MPDZ: variants seen among roughly 807,000 people sequenced by gnomAD.
MPDZ encodes multiple PDZ domain protein.
Under a neutral mutation model 239.1 loss-of-function variants are expected in MPDZ, and 234 were observed. The ratio of observed to expected loss-of-function variants is 0.98; its 90% CI spans 0.88 to 1.09. MPDZ has a LOEUF of 1.09. MPDZ is among the 50% of genes least tolerant of loss of function. The probability of loss-of-function intolerance (pLI) is 0.00; values close to 1 mark genes in which losing one functional copy is unlikely to be tolerated. For missense variants in MPDZ, 3,175 were observed against 2,510.0 expected (o/e 1.26, Z -5.66); for synonymous variants, 1,048 against 881.3 (o/e 1.19, Z -3.35).
At chr9:13,165,472 G>C (rs1247484810) in intron 22 of MPDZ, 5 of 1,538,198 alleles carry the variant, frequency 3.3e-6, no homozygotes, top group Non-Finnish European at 3.5e-6. Context: ...TCAATGTCTT[G>C]TGCTGAATGT....
chr9:13,209,368 T>C (rs1037572771), intron 10 of MPDZ, among the ~76,000 whole-genome samples: 1 of 152,198 alleles, frequency 6.6e-6, no homozygotes, highest in African/African-American at 2.4e-5. Context: ...TCCCCCAGTG[T>C]GATCCTCTAC....
At chr9:13,206,321 A>T (rs1019626909) in intron 10 of MPDZ, among the ~76,000 whole-genome samples, 2 of 152,098 alleles carry the variant, frequency 1.3e-5, no homozygotes, top group African/African-American at 4.8e-5. Flanking sequence ...ATTTTAATAT[A>T]GATTCTGGGG....
At chr9:13,162,431 T>C (rs1477453229) in intron 23 of MPDZ, among the ~76,000 whole-genome samples, 1 of 151,996 alleles carries the variant, frequency 6.6e-6, no homozygotes, top group African/African-American at 2.4e-5. Flanking sequence ...TTATCAAAAC[T>C]CAACATGTTA....
Position 13,121,976 on chromosome 9 carries a change from A to T in MPDZ, c.5038-44T>A, listed in dbSNP as rs762857824. 48 of 1,601,634 alleles carry T rather than the reference A, an allele frequency of 3.0e-5. No homozygotes were observed. In the East Asian group the frequency reaches 1.1e-3, roughly 35 times the overall value. ...CTGACTGTAAGGAACATGAGAAGTA[A>T]AGGAGAGTTAGGTGGGGAAGGGAAG... On this transcript the variant is annotated intron_variant, in intron 37 of 46. Coordinates refer to ENST00000319217, the MANE Select transcript of MPDZ (RefSeq NM_001378778.1).
rs745519525 is a variant in MPDZ at position 13,136,136 on chromosome 9, C to T, written c.4339G>A (p.Val1447Ile). The change falls in exon 31 of 47, where the codon GTA becomes ATA. Residue 1447 changes from valine to isoleucine, a missense_variant. By Grantham distance (29) the Val-to-Ile change is conservative. Coordinates refer to ENST00000319217, the MANE Select transcript of MPDZ (RefSeq NM_001378778.1). ...TCTGAGTTAGAAGGCAAAGGTTCTA[C>T]TGCATTTCCAGGACATACGGCCATC... ...NQMAVCPGNA[V>I]EPLPSNSENL... The T allele has an allele frequency of 1.9e-6, 3 of 1,612,916 alleles. No individual in the cohort carries two copies. The highest frequency in any genetic ancestry group is 4.5e-5 in the East Asian group (2 of 44,788).
chr9:13,125,500 G>A (rs1944979923), intron 34 of MPDZ, 110 bp from the exon 35 acceptor site: 1 of 936,012 alleles, frequency 1.1e-6, no homozygotes, highest in Non-Finnish European at 1.5e-6. Context: ...GTTAAGGGGA[G>A]GGACAGATGC....
intron 8 of MPDZ, among the ~76,000 whole-genome samples, chr9:13,218,393 A>G (rs1958638492): frequency 6.6e-6 from 1 of 151,876 alleles, no homozygotes; most frequent in South Asian, 2.1e-4. Context: ...AGAAATGATG[A>G]TATGCACAGA....
chr9:13,166,917 C>A (rs556845593), intron 22 of MPDZ, among the ~76,000 whole-genome samples: 43 of 152,144 alleles, frequency 2.8e-4, no homozygotes, highest in Admixed American at 2.5e-3. Context: ...TATTTTTTAA[C>A]GACTTTTAAA....
intron 3 of MPDZ, among the ~76,000 whole-genome samples, chr9:13,242,028 T>G (rs1965528739): frequency 6.6e-6 from 1 of 152,068 alleles, no homozygotes; most frequent in African/African-American, 2.4e-5. Context: ...ACACAGAGTG[T>G]ATATTACTTG....
intron 8 of MPDZ, among the ~76,000 whole-genome samples, 193 bp from the exon 9 acceptor site, chr9:13,217,487 G>A (rs1476087718): frequency 6.6e-6 from 1 of 151,822 alleles, no homozygotes; most frequent in Non-Finnish European, 1.5e-5. Flanking sequence ...TTTTTGCTCA[G>A]AAAGGGATAT....
At chr9:13,213,222 T>C (rs551013770) in intron 10 of MPDZ, among the ~76,000 whole-genome samples, 17 of 152,156 alleles carry the variant, frequency 1.1e-4, no homozygotes, top group Non-Finnish European at 2.4e-4. Context: ...ACATATGAAA[T>C]GGGAAAAATG....
At chr9:13,125,893 A>T (rs1945037184) in intron 34 of MPDZ, among the ~76,000 whole-genome samples, 1 of 152,220 alleles carries the variant, frequency 6.6e-6, no homozygotes, top group African/African-American at 2.4e-5. Flanking sequence ...CTAAATACTT[A>T]CTAAAAACTG....
At chr9:13,266,163 C>G (rs1971745105) in intron 1 of MPDZ, among the ~76,000 whole-genome samples, 1 of 152,216 alleles carries the variant, frequency 6.6e-6, no homozygotes, top group Non-Finnish European at 1.5e-5. Context: ...CCATCAGCGC[C>G]TCCTAAATTC....
intron 26 of MPDZ, 79 bp from the exon 27 acceptor site, chr9:13,143,643 C>G: frequency 9.1e-7 from 1 of 1,097,466 alleles, no homozygotes; most frequent in South Asian, 1.3e-5. Context: ...AAGTACATAC[C>G]GATTTAAAGA....
intron 13 of MPDZ, among the ~76,000 whole-genome samples, chr9:13,195,059 A>C (rs1449007546): frequency 6.6e-6 from 1 of 152,152 alleles, no homozygotes; most frequent in African/African-American, 2.4e-5. Context: ...AGGCTGAGGC[A>C]GGCAGACTGC....
chr9:13,136,305 T>A (rs1946733544), intron 30 of MPDZ, 123 bp from the exon 31 acceptor site: 3 of 422,432 alleles, frequency 7.1e-6, no homozygotes, highest in African/African-American at 2.3e-5. Flanking sequence ...CTGTGACACT[T>A]ACAAATTTAC....
chr9:13,181,542 A>AAAC (rs2134421230), intron 19 of MPDZ, among the ~76,000 whole-genome samples: 1 of 152,310 alleles, frequency 6.6e-6, no homozygotes, highest in African/African-American at 2.4e-5. Flanking sequence ...ATGTGTTTTA[A>AAAC]AACACCCTCA....
rs201585415 is a variant in MPDZ, at chr9:13,176,375, T to C, written c.2692A>G (p.Met898Val). The C allele has an allele frequency of 3.3e-4, 527 of 1,603,544 alleles. 1 individual carries two copies. Among genetic ancestry groups the C allele is most frequent in the Admixed American group, 6.3e-4 (37 of 58,746 alleles). Residue 898 changes from methionine to valine, a missense_variant, in exon 20 of 47, where the codon ATG becomes GTG. By Grantham distance (21) the Met-to-Val change is conservative. Transcript: ENST00000319217. ...NSCDPVLDLH[M>V]SLEELYTQNL... ...TGGGTATATAGTTCCTCCAGAGACA[T>C]ATGCAGATCAAGTACTGGATCACAA...
At chr9:13,135,113 C>G (rs1410840042) in intron 31 of MPDZ, 1 of 152,216 alleles carries the variant, frequency 6.6e-6, no homozygotes, top group Non-Finnish European at 1.5e-5. Context: ...ACAGGCACTT[C>G]GTTCTTAACC....
Sources: allele counts gnomAD v4.1 joint callset (sites outside exome capture counted in the v4.1 genomes callset), GRCh38; gene constraint gnomAD v4.1.1; transcripts MANE v1.5; gene names NCBI Gene and HGNC (gene_info 2026-07-23, HGNC 2026-07-21).